NAV1: variants seen among roughly 807,000 people sequenced by gnomAD.
The protein encoded by NAV1 is neuron navigator 1, also known as pore membrane and/or filament interacting like protein 3.
NAV1 carries 18 observed loss-of-function variants against 175.2 expected under a neutral mutation model. That is an observed-to-expected ratio of 0.10 (90% CI 0.07 to 0.15). The LOEUF (loss-of-function observed/expected upper bound fraction) is 0.15. Among genes scored for constraint, NAV1 ranks in the 10% least tolerant of loss-of-function variants. The pLI is 1.00. For synonymous variants in NAV1, 897 were observed against 978.7 expected, an observed-to-expected ratio of 0.92 and a Z score of 1.56; for missense variants, 1,731 against 2,436.6, an observed-to-expected ratio of 0.71 and a Z score of 6.10.
At chr1:201,640,876 GCA>G (rs1668734147) in intron 2 of NAV1, among the ~76,000 whole-genome samples, 1 of 152,234 alleles carries the variant, frequency 6.6e-6, no homozygotes, top group Non-Finnish European at 1.5e-5. Context: ...CCCACTGTGT[GCA>G]CAGAGCTGGG....
intron 1 of NAV1, among the ~76,000 whole-genome samples, chr1:201,655,340 A>T (rs773755526): frequency 3.9e-5 from 6 of 152,130 alleles, no homozygotes; most frequent in Non-Finnish European, 8.8e-5. Flanking sequence ...TGGACGCCAC[A>T]TGTTTCTCAT....
At chr1:201,791,236 C>T in intron 13 of NAV1, 1 of 159,742 alleles carries the variant, frequency 6.3e-6, no homozygotes, top group Non-Finnish European at 1.4e-5. Flanking sequence ...GTGACCACGA[C>T]ACTACTGAGA....
At chr1:201,796,878 T>C (rs1023557420) in intron 15 of NAV1, 1 of 152,252 alleles carries the variant, frequency 6.6e-6, no homozygotes, top group African/African-American at 2.4e-5. Flanking sequence ...TTAATAATTC[T>C]GAATATTAGA....
Position 201,739,787 on chromosome 1 carries a change from G to T in NAV1, c.1226+21032G>T. ...CTCGCAGCCTGCATCGCCGGGGCTC[G>T]GGACAGAAGTCAGCGGCGGGGAAAT... On this transcript the variant is annotated intron_variant, in intron 3 of 29. Transcript: ENST00000367296. 6 of 1,220,816 alleles carry T rather than the reference G, an allele frequency of 4.9e-6. No individual in the cohort carries two copies. In the South Asian group the frequency reaches 2.5e-4, roughly 52 times the overall value. 75.6% of individuals were successfully genotyped at this position (1,220,816 alleles called of 1,614,324 possible).
chr1:201,600,821 C>T (rs1050967086), intron 2 of NAV1, among the ~76,000 whole-genome samples: 2 of 152,202 alleles, frequency 1.3e-5, no homozygotes, highest in Non-Finnish European at 2.9e-5. Context: ...CCTGGGATCA[C>T]AATCCTCTAG....
chr1:201,781,194 A>G (rs142470588), exon 5 of NAV1: 1,309 of 1,614,126 alleles, frequency 8.1e-4, no homozygotes, highest in Non-Finnish European at 9.7e-4. Flanking sequence ...AGGGTGGAGA[A>G]CTGAAAAAGC....
exon 1 of NAV1, chr1:201,623,123 A>G (rs995432907): frequency 5.1e-6 from 5 of 985,846 alleles, no homozygotes; most frequent in African/African-American, 1.7e-5. Context: ...GGCTCTCCCA[A>G]GTTTGCTGGG....
Position 201,813,094 on chromosome 1 carries a change from A to G in NAV1, c.5222-46A>G, listed in dbSNP as rs115302127. 3.1e-5 allele frequency: 43 copies of G among 1,368,938 alleles called. No homozygotes were observed. The Middle Eastern group carries it at 6.2e-4, about 20-fold the overall frequency. 84.8% of individuals were successfully genotyped at this position (1,368,938 alleles called of 1,614,324 possible). On this transcript the variant is annotated intron_variant, in intron 27 of 29. Coordinates refer to ENST00000367296, the Ensembl canonical transcript of NAV1. This position sits in a 1 kb window ranked among gnomAD's most constrained non-coding sequence, Gnocchi z 4.2. ...GAGTAAAAGAGGCACACAACCGGGA[A>G]GATCTAGGTTCCCAGCCATCTTCAT...
chr1:201,730,068 C>T (rs1260939188), intron 3 of NAV1, among the ~76,000 whole-genome samples: 1 of 152,172 alleles, frequency 6.6e-6, no homozygotes, highest in African/African-American at 2.4e-5. Context: ...GCCCACCCAT[C>T]TTTGCAAAAT....
chr1:201,548,229 G>A (rs1184720949), intron 1 of NAV1, among the ~76,000 whole-genome samples: 2 of 152,178 alleles, frequency 1.3e-5, no homozygotes, highest in Non-Finnish European at 2.9e-5. Flanking sequence ...TAGTCTTTAT[G>A]CAGAGCTCAA....
At position 201,718,423 on chromosome 1, in the gene NAV1, T is replaced by C. The variant is rs749133334; in HGVS notation, c.894T>C (p.Asp298=). Residue 298 remains aspartate, a synonymous_variant, in exon 3 of 30, where the codon GAT becomes GAC. Coordinates refer to ENST00000367296, the Ensembl canonical transcript of NAV1. The surrounding 1 kb of genome is among the most constrained non-coding windows in gnomAD (Gnocchi z 4.8). ...AGATGACCTGCTACGACAGCGATGA[T>C]GCCAACCCACGCAGCGTGTCCAGCC... 3 of 1,549,850 alleles carry C rather than the reference T, an allele frequency of 1.9e-6. No individual in the cohort carries two copies. The highest frequency in any genetic ancestry group is 2.6e-6 in the Non-Finnish European group (3 of 1,142,348).
intron 2 of NAV1, among the ~76,000 whole-genome samples, chr1:201,635,713 ATACC>A (rs1363169283): frequency 1.3e-5 from 2 of 152,064 alleles, no homozygotes; most frequent in African/African-American, 4.8e-5. Context: ...CCTATACCCA[ATACC>A]TACCTGTCCT....
intron 1 of NAV1, among the ~76,000 whole-genome samples, chr1:201,587,491 T>C (rs1303525216): frequency 6.6e-6 from 1 of 151,492 alleles, no homozygotes; most frequent in Non-Finnish European, 1.5e-5. Context: ...GTTGAGACTA[T>C]CCTGGGAAAC....
chr1:201,760,214 C>T (rs1421133839), intron 3 of NAV1, among the ~76,000 whole-genome samples: 1 of 152,134 alleles, frequency 6.6e-6, no homozygotes, highest in African/African-American at 2.4e-5. Flanking sequence ...GCCTGTAATC[C>T]CAGCACTTTG....
exon 15 of NAV1, chr1:201,794,570 A>G (rs1571500368): frequency 1.2e-6 from 2 of 1,613,158 alleles, no homozygotes; most frequent in Admixed American, 3.3e-5. Context: ...CAGAAACCAC[A>G]CCCAAAGGTA....
chr1:201,715,902 G>T (rs1427212593), intron 2 of NAV1, among the ~76,000 whole-genome samples: 1 of 152,160 alleles, frequency 6.6e-6, no homozygotes, highest in Non-Finnish European at 1.5e-5. Flanking sequence ...CCCAGAGAAA[G>T]GCAAGCCTGA....
chr1:201,729,236 C>A (rs750092267), intron 3 of NAV1, among the ~76,000 whole-genome samples: 7 of 152,208 alleles, frequency 4.6e-5, no homozygotes, highest in Admixed American at 1.3e-4. Context: ...GTATGACAGG[C>A]CTGGTGTTCA....
chr1:201,613,233 CA>C (rs1158144380), intron 2 of NAV1, among the ~76,000 whole-genome samples: 2 of 152,120 alleles, frequency 1.3e-5, no homozygotes, highest in African/African-American at 2.4e-5. Flanking sequence ...TAACCCATGC[CA>C]CAGTCTTAAA....
chr1:201,641,975 TCTC>T (rs1668769154), intron 2 of NAV1, among the ~76,000 whole-genome samples: 2 of 150,670 alleles, frequency 1.3e-5, no homozygotes, highest in Admixed American at 6.6e-5. Context: ...TTTCTCTCTC[TCTC>T]TTTTTCTCTT....
Sources: allele counts gnomAD v4.1 joint callset (sites outside exome capture counted in the v4.1 genomes callset), GRCh38; gene constraint gnomAD v4.1.1; non-coding constraint Gnocchi (gnomAD v3.1); transcripts MANE v1.5; gene names NCBI Gene and HGNC (gene_info 2026-07-23, HGNC 2026-07-21).